Variants in RORA observed in about 807,000 individuals in gnomAD.
The protein encoded by RORA is nuclear receptor ROR-alpha.
In RORA, 7 loss-of-function variants were observed where a neutral mutation model predicts 69.5. The ratio of observed to expected loss-of-function variants is 0.10; its 90% CI spans 0.06 to 0.19. The LOEUF is 0.19. RORA is among the 10% of genes least tolerant of loss of function. The pLI, the probability that RORA is intolerant of heterozygous loss-of-function variation, is 1.00. For missense variants in RORA, 457 were observed against 663.0 expected, an observed-to-expected ratio of 0.69 and a Z score of 3.41; for synonymous variants, 261 against 240.8, an observed-to-expected ratio of 1.08 and a Z score of -0.78.
rs193213995 is a variant in RORA, at chr15:60,565,012, C to T, written c.197-33161G>A. Among the ~76,000 whole-genome samples, 892 of 152,220 alleles carry T rather than the reference C, an allele frequency of 5.9e-3. 2 individuals are homozygous for T. The highest frequency in any genetic ancestry group is 0.018 in the South Asian group (87 of 4,820). ...CTCGGTAAATGTTATCTATTGTATTCTACCAATATCTCAGCAAAAAGACAG... is the reference window on the plus strand; with the variant it reads ...CTCGGTAAATGTTATCTATTGTATTTTACCAATATCTCAGCAAAAAGACAG... On this transcript the variant is annotated intron_variant, in intron 2 of 10. Coordinates refer to ENST00000335670, the MANE Select transcript of RORA (RefSeq NM_134261.3).
chr15:60,747,632 T>C (rs929067996), intron 1 of RORA, among the ~76,000 whole-genome samples: 5 of 152,210 alleles, frequency 3.3e-5, no homozygotes, highest in Non-Finnish European at 7.3e-5. Flanking sequence ...CTTTCCCATG[T>C]GGACCACAAG....
chr15:60,709,979 T>A (rs886478819), intron 1 of RORA, among the ~76,000 whole-genome samples: 6 of 151,884 alleles, frequency 4.0e-5, no homozygotes, highest in Non-Finnish European at 8.8e-5. Context: ...ATTTAGAAGG[T>A]GGGGGCTGAA....
intron 1 of RORA, among the ~76,000 whole-genome samples, chr15:60,875,605 T>C (rs1426024778): frequency 1.3e-5 from 2 of 152,216 alleles, no homozygotes; most frequent in Admixed American, 6.5e-5. Context: ...AGAGCTGGGC[T>C]GTGCTGTATG....
intron 1 of RORA, among the ~76,000 whole-genome samples, chr15:60,909,264 G>C (rs1022222874): frequency 6.6e-6 from 1 of 152,110 alleles, no homozygotes. Flanking sequence ...CTGATGTCTC[G>C]GCCAGCCTCA....
chr15:60,591,386 A>G (rs1341304677), intron 2 of RORA, among the ~76,000 whole-genome samples: 1 of 152,178 alleles, frequency 6.6e-6, no homozygotes, highest in Admixed American at 6.5e-5. Context: ...CTCCGGCAGC[A>G]CGGGCGACTT....
chr15:60,920,400 C>T (rs1046347700), intron 1 of RORA, among the ~76,000 whole-genome samples: 2 of 152,168 alleles, frequency 1.3e-5, no homozygotes, highest in Non-Finnish European at 2.9e-5. Context: ...TGAACCTATG[C>T]CCATTTGTAT....
chr15:60,810,307 T>G (rs1330987491), intron 1 of RORA, among the ~76,000 whole-genome samples: 1 of 152,242 alleles, frequency 6.6e-6, no homozygotes, highest in Non-Finnish European at 1.5e-5. Context: ...CTGGTTTCCA[T>G]GTTGCTGTTG....
chr15:61,124,220 C>T (rs143300031), intron 1 of RORA, among the ~76,000 whole-genome samples: 6 of 152,292 alleles, frequency 3.9e-5, no homozygotes, highest in East Asian at 1.9e-4. Context: ...ATTCCCTTAT[C>T]GGGGCTCAGG....
chr15:60,618,422 A>C (rs1479798832), intron 2 of RORA, among the ~76,000 whole-genome samples: 1 of 152,182 alleles, frequency 6.6e-6, no homozygotes, highest in Non-Finnish European at 1.5e-5. Flanking sequence ...CTTTGTGTTC[A>C]GTATTGCACC....
chr15:60,855,893 G>A (rs2073374812), intron 1 of RORA, among the ~76,000 whole-genome samples: 1 of 152,206 alleles, frequency 6.6e-6, no homozygotes, highest in Non-Finnish European at 1.5e-5. Context: ...GGGATTACAG[G>A]TGTGAGCCAT....
intron 1 of RORA, among the ~76,000 whole-genome samples, chr15:61,091,170 T>C (rs1391135462): frequency 6.6e-6 from 1 of 152,232 alleles, no homozygotes; most frequent in African/African-American, 2.4e-5. Flanking sequence ...TTTAGAGCTC[T>C]GCATTATTGT....
At chr15:60,837,535 A>C (rs2073133838) in intron 1 of RORA, among the ~76,000 whole-genome samples, 1 of 152,206 alleles carries the variant, frequency 6.6e-6, no homozygotes, top group Non-Finnish European at 1.5e-5. Flanking sequence ...CACATGTGAA[A>C]AACACAAAGC....
chr15:61,223,922 T>G (rs1370833928), intron 1 of RORA, among the ~76,000 whole-genome samples: 1 of 151,494 alleles, frequency 6.6e-6, no homozygotes, highest in Non-Finnish European at 1.5e-5. Flanking sequence ...AATACAATTT[T>G]ATTTTAACAT....
At chr15:60,592,493 CG>C in intron 2 of RORA, 1 of 1,331,490 alleles carries the variant, frequency 7.5e-7, no homozygotes, top group Non-Finnish European at 9.6e-7. Context: ...GCCGCGCCGC[CG>C]CCGCCCGAGC....
chr15:60,843,188 T>C (rs946771977), intron 1 of RORA, among the ~76,000 whole-genome samples: 21 of 152,306 alleles, frequency 1.4e-4, no homozygotes, highest in Admixed American at 1.4e-3. Context: ...ATTTGTTTTT[T>C]CCTTGCTCAA....
At chr15:60,684,151 C>T (rs955487534) in intron 1 of RORA, among the ~76,000 whole-genome samples, 2 of 151,764 alleles carry the variant, frequency 1.3e-5, no homozygotes, top group African/African-American at 2.4e-5. Context: ...TTGCAATTAC[C>T]AAACCAGCAT....
chr15:60,859,651 C>CTTTTTTTTT (rs1208480913), intron 1 of RORA, among the ~76,000 whole-genome samples: 10 of 96,412 alleles, frequency 1.0e-4, no homozygotes, highest in Non-Finnish European at 1.6e-4. Context: ...TTCTTTCTTT[C>CTTTTTTTTT]TTTCTTTTTT....
chr15:60,514,051 C>G (rs913806613), intron 4 of RORA, among the ~76,000 whole-genome samples: 7 of 152,224 alleles, frequency 4.6e-5, no homozygotes, highest in Admixed American at 1.3e-4. Flanking sequence ...TAGACGGTCT[C>G]TATTCCTTAA....
chr15:60,849,770 G>T (rs2073304523), intron 1 of RORA, among the ~76,000 whole-genome samples: 1 of 152,202 alleles, frequency 6.6e-6, no homozygotes, highest in African/African-American at 2.4e-5. Context: ...GAAGAAACAT[G>T]TACACAAGGA....
Sources: gnomAD v4.1 joint callset for allele counts (sites outside exome capture counted in the v4.1 genomes callset) on GRCh38, gnomAD v4.1.1 for gene constraint, MANE v1.5 for transcripts, NCBI Gene and HGNC (gene_info 2026-07-23, HGNC 2026-07-21) for gene names.